Variants in AFF3 observed in about 807,000 individuals in gnomAD.
The protein encoded by AFF3 is AF4/FMR2 family member 3.
A neutral mutation model predicts 129.7 loss-of-function variants in AFF3; 32 were observed. The ratio of observed to expected loss-of-function variants is 0.25; its 90% CI spans 0.19 to 0.33. The LOEUF is 0.33. Ranked by LOEUF, AFF3 falls within the 10% of genes least tolerant of loss-of-function variation. The pLI is 1.00. For missense variants in AFF3, 1,373 were observed against 1,592.0 expected (o/e 0.86, Z 2.34); for synonymous variants, 644 against 635.4 (o/e 1.01, Z -0.20).
intron 13 of AFF3, among the ~76,000 whole-genome samples, chr2:99,643,904 AT>A (rs1012969477): frequency 1.3e-5 from 2 of 152,152 alleles, no homozygotes; most frequent in African/African-American, 4.8e-5. Context: ...GATGTGTGAG[AT>A]TTATTTGAGA....
chr2:100,032,047 T>C (rs1684536010), intron 4 of AFF3, among the ~76,000 whole-genome samples: 1 of 152,204 alleles, frequency 6.6e-6, no homozygotes, highest in Non-Finnish European at 1.5e-5. Context: ...TCTGTGTCTA[T>C]AATGTACCAA....
chr2:99,560,210 C>T (rs1226005397), intron 21 of AFF3, among the ~76,000 whole-genome samples, 155 bp downstream of exon 21: 1 of 152,148 alleles, frequency 6.6e-6, no homozygotes, highest in Non-Finnish European at 1.5e-5. Flanking sequence ...AGTACGGCAG[C>T]AAAAAATGGT....
At chr2:99,860,760 G>A (rs1228767635) in intron 7 of AFF3, among the ~76,000 whole-genome samples, 1 of 151,894 alleles carries the variant, frequency 6.6e-6, no homozygotes, top group South Asian at 2.1e-4. Context: ...ACAGATAAAA[G>A]TAGTGTATAT....
At chr2:99,691,619 T>C (rs1165190488) in intron 11 of AFF3, among the ~76,000 whole-genome samples, 1 of 152,228 alleles carries the variant, frequency 6.6e-6, no homozygotes, top group East Asian at 1.9e-4. Flanking sequence ...TTATCAACTT[T>C]GGTCTTGTTT....
chr2:100,099,640 G>GC (rs931531275), intron 4 of AFF3, among the ~76,000 whole-genome samples: 1 of 152,066 alleles, frequency 6.6e-6, no homozygotes, highest in Admixed American at 6.6e-5. Flanking sequence ...ATGTGCCCAT[G>GC]CCCCCTCAAG....
chr2:100,001,410 T>A (rs1681394876), intron 7 of AFF3, among the ~76,000 whole-genome samples: 1 of 152,172 alleles, frequency 6.6e-6, no homozygotes, highest in Non-Finnish European at 1.5e-5. Flanking sequence ...ATGCCTTACC[T>A]TTTTTTCTGT....
At chr2:100,010,512 A>C (rs186848211) in intron 4 of AFF3, among the ~76,000 whole-genome samples, 15 of 152,340 alleles carry the variant, frequency 9.8e-5, no homozygotes. Flanking sequence ...TATCCAGAAC[A>C]TGGAGCCTAT....
intron 11 of AFF3, among the ~76,000 whole-genome samples, chr2:99,725,102 C>T (rs1679256395): frequency 6.6e-6 from 1 of 151,960 alleles, no homozygotes; most frequent in Non-Finnish European, 1.5e-5. Flanking sequence ...ACCTGAGTAG[C>T]TGAGATTACA....
chr2:99,581,616 T>G lies in AFF3; in HGVS notation c.2793+1182A>C, dbSNP rs563381924. 2.2e-4 allele frequency among the ~76,000 whole-genome samples: 33 copies of G among 152,026 alleles called. 1 individual carries two copies. The highest frequency in any genetic ancestry group is 1.6e-3 in the Admixed American group (24 of 15,266). ...TCACTGTAACCTCCACCTCCCAGGTTCAAGCGATTCTCCTGCTTCAGCCTC... is the reference window on the plus strand; with the variant it reads ...TCACTGTAACCTCCACCTCCCAGGTGCAAGCGATTCTCCTGCTTCAGCCTC... On this transcript the variant is annotated intron_variant, in intron 17 of 24. Coordinates refer to ENST00000672756, the MANE Select transcript of AFF3 (RefSeq NM_001386135.1).
intron 4 of AFF3, among the ~76,000 whole-genome samples, chr2:100,053,889 G>C (rs1686556672): frequency 6.6e-6 from 1 of 152,160 alleles, no homozygotes; most frequent in South Asian, 2.1e-4. Flanking sequence ...CACAATCCAA[G>C]TACATAAGAC....
chr2:99,557,604 C>T (rs1332758799), intron 22 of AFF3, among the ~76,000 whole-genome samples: 1 of 152,130 alleles, frequency 6.6e-6, no homozygotes, highest in African/African-American at 2.4e-5. Flanking sequence ...AGTAGTAGAT[C>T]TTACGTTCTG....
At chr2:99,729,336 T>C (rs1679617251) in intron 10 of AFF3, among the ~76,000 whole-genome samples, 1 of 152,192 alleles carries the variant, frequency 6.6e-6, no homozygotes, top group Non-Finnish European at 1.5e-5. Flanking sequence ...CAGCTGATTA[T>C]CTTTGCTCTT....
chr2:100,039,763 T>C (rs1234518142), intron 4 of AFF3, among the ~76,000 whole-genome samples: 1 of 152,142 alleles, frequency 6.6e-6, no homozygotes, highest in Non-Finnish European at 1.5e-5. Flanking sequence ...TCCCACTTAC[T>C]GGCTGGCTCT....
At chr2:100,112,982 A>G (rs1432968907) in intron 2 of AFF3, among the ~76,000 whole-genome samples, 1 of 152,224 alleles carries the variant, frequency 6.6e-6, no homozygotes, top group African/African-American at 2.4e-5. Flanking sequence ...CTAGACAACA[A>G]TATGAGGTTT....
At chr2:99,956,585 G>A (rs539886236) in intron 7 of AFF3, among the ~76,000 whole-genome samples, 4 of 152,224 alleles carry the variant, frequency 2.6e-5, no homozygotes, top group African/African-American at 9.6e-5. Flanking sequence ...GCAAAGCCTT[G>A]TTTTTACATT....
rs1682019517 is a variant in AFF3, at chr2:100,006,872, G to C, written c.633C>G (p.His211Gln). The change falls in exon 7 of 25, where the codon CAC (histidine) becomes CAG (glutamine). Residue 211 changes from histidine (H) to glutamine (Q), a missense_variant. Coordinates refer to ENST00000672756, the MANE Select transcript of AFF3 (RefSeq NM_001386135.1). ...GGGATGGAGGAAAGTTCTGAACACA[G>C]TGTCCGCTGCTGCTGTGCTTGGCCG... ...AMAAKHSSSG[H>Q]CVQNFPPSLA... 1 of 1,614,202 alleles carries C rather than the reference G, an allele frequency of 6.2e-7. No homozygotes were observed. Among genetic ancestry groups the C allele is most frequent in the African/African-American group, 1.3e-5 (1 of 75,046 alleles).
chr2:99,871,690 C>A lies in AFF3; in HGVS notation c.874-34166G>T, dbSNP rs532016820. ...ACAATTAACTTTAAAAACTCTGTCA[C>A]ATTAAAATCTACTGGTCTTAGACAC... On this transcript the variant is annotated intron_variant, in intron 7 of 24. Transcript: ENST00000672756. Among the ~76,000 whole-genome samples the A allele has an allele frequency of 1.4e-3, 208 of 152,234 alleles. 3 individuals are homozygous for A. Among genetic ancestry groups the A allele is most frequent in the Admixed American group, 4.0e-3 (61 of 15,288 alleles).
chr2:99,584,240 G>C (rs1404665017), intron 16 of AFF3, among the ~76,000 whole-genome samples: 3 of 151,548 alleles, frequency 2.0e-5, no homozygotes, highest in Admixed American at 1.3e-4. Context: ...GGCCAAGGTG[G>C]GCGTATCACT....
At chr2:100,028,335 A>G (rs13033732) in intron 4 of AFF3, among the ~76,000 whole-genome samples, 23,711 of 152,220 alleles carry the variant, frequency 0.16, 2,104 homozygotes, top group East Asian at 0.29. Flanking sequence ...AAATGCTCAG[A>G]TTTATGTGTA....
Sources: gnomAD v4.1 joint callset for allele counts (sites outside exome capture counted in the v4.1 genomes callset) on GRCh38, gnomAD v4.1.1 for gene constraint, MANE v1.5 for transcripts, NCBI Gene and HGNC (gene_info 2026-07-23, HGNC 2026-07-21) for gene names.